The following SMIM14 variants were observed in gnomAD, a reference collection of about 807,000 sequenced individuals.
The protein encoded by SMIM14 is small integral membrane protein 14.
SMIM14 carries 5 observed loss-of-function variants against 12.6 expected under a neutral mutation model. That is an observed-to-expected ratio of 0.40 (90% CI 0.21 to 0.83). The LOEUF (loss-of-function observed/expected upper bound fraction) is 0.83, where lower values mean the gene tolerates loss of function less well. SMIM14 is among the 40% of genes least tolerant of loss of function. The pLI is 0.37. For missense variants in SMIM14, 86 were observed against 119.1 expected (o/e 0.72, Z 1.29); for synonymous variants, 30 against 40.1 (o/e 0.75, Z 0.95).
At chr4:39,576,278 TG>T (rs1306120619) in intron 2 of SMIM14, among the ~76,000 whole-genome samples, 1 of 151,698 alleles carries the variant, frequency 6.6e-6, no homozygotes, top group Admixed American at 6.6e-5. Context: ...CAGAGACCCA[TG>T]CAGAGAATGA....
At chr4:39,595,607 G>A (rs1449029996) in intron 2 of SMIM14, among the ~76,000 whole-genome samples, 4 of 141,224 alleles carry the variant, frequency 2.8e-5, no homozygotes, top group African/African-American at 8.7e-5. Flanking sequence ...CTGTAACTAC[G>A]ATTTTTTTTT....
intron 2 of SMIM14, among the ~76,000 whole-genome samples, chr4:39,574,010 A>G (rs1396188141): frequency 6.6e-6 from 1 of 152,168 alleles, no homozygotes; most frequent in African/African-American, 2.4e-5. Flanking sequence ...GATGTTTAAA[A>G]ACGAAAATCT....
chr4:39,598,377 C>T (rs1391973348), intron 2 of SMIM14, among the ~76,000 whole-genome samples: 2 of 152,108 alleles, frequency 1.3e-5, no homozygotes, highest in Admixed American at 1.3e-4. Flanking sequence ...CCCACTTCTC[C>T]CTCCAGAGGC....
At chr4:39,624,837 T>G (rs1354666505) in intron 1 of SMIM14, among the ~76,000 whole-genome samples, 1 of 145,460 alleles carries the variant, frequency 6.9e-6, no homozygotes, top group South Asian at 2.2e-4. Context: ...AAAAAAAACT[T>G]CCTATTCGTT....
intron 1 of SMIM14, among the ~76,000 whole-genome samples, chr4:39,636,213 A>G (rs1390767878): frequency 1.3e-5 from 2 of 150,296 alleles, no homozygotes; most frequent in East Asian, 3.9e-4. Context: ...TGACGTGTAA[A>G]GTTAAAATCT....
chr4:39,575,072 G>GA (rs1411724019), intron 2 of SMIM14, among the ~76,000 whole-genome samples: 8 of 140,542 alleles, frequency 5.7e-5, no homozygotes, highest in African/African-American at 2.1e-4. Context: ...ATAAGAACGA[G>GA]AAAATAGTTT....
At chr4:39,632,826 C>A (rs867173171) in intron 1 of SMIM14, among the ~76,000 whole-genome samples, 4 of 117,842 alleles carry the variant, frequency 3.4e-5, no homozygotes, top group South Asian at 2.7e-4. Context: ...CACACACACA[C>A]AAAAGAAAAA....
In SMIM14 at chr4:39,556,548, A is replaced by G. The variant is rs377511103; in HGVS notation, c.147T>C (p.Asn49=). 3 of 1,609,942 alleles carry G rather than the reference A, an allele frequency of 1.9e-6. No individual in the cohort carries two copies. In the African/African-American group the frequency reaches 4.0e-5, roughly 22 times the overall value. Reference sequence around the variant, plus strand: ...CCAAGATCATTGTAACACTGATGCCATTATCACCAGAGGGTCCCGGTACTA... The same window carrying G: ...CCAAGATCATTGTAACACTGATGCCGTTATCACCAGAGGGTCCCGGTACTA... ...LQELPGPSGD[N]GISVTMILVA... is the part of the protein sequence containing the mutation. Residue 49 remains asparagine (N), a synonymous_variant, in exon 4 of 5, where the codon AAT becomes AAC. Transcript: ENST00000295958.
intron 1 of SMIM14, among the ~76,000 whole-genome samples, chr4:39,632,677 C>G (rs1715947955): frequency 6.6e-6 from 1 of 150,668 alleles, no homozygotes; most frequent in African/African-American, 2.4e-5. Context: ...ACTAGGGAGG[C>G]TGAGGTGGGT....
chr4:39,556,689 C>T (rs1712033090), intron 3 of SMIM14, 119 bp from the exon 4 acceptor site: 2 of 912,696 alleles, frequency 2.2e-6, no homozygotes, highest in East Asian at 5.8e-5. Flanking sequence ...TGATAAATTA[C>T]AAAAGTACAT....
intron 2 of SMIM14, among the ~76,000 whole-genome samples, chr4:39,595,949 G>A (rs556341627): frequency 6.6e-6 from 1 of 152,074 alleles, no homozygotes; most frequent in Non-Finnish European, 1.5e-5. Flanking sequence ...TCTGTACAAG[G>A]TGCTTAGAAG....
At chr4:39,559,729 T>C (rs1366317912) in intron 3 of SMIM14, among the ~76,000 whole-genome samples, 1 of 151,808 alleles carries the variant, frequency 6.6e-6, no homozygotes, top group South Asian at 2.1e-4. Context: ...GCAAACAAAT[T>C]AGTACAAAAT....
intron 2 of SMIM14, among the ~76,000 whole-genome samples, chr4:39,578,346 CAG>C (rs1214315817): frequency 1.3e-5 from 2 of 152,122 alleles, no homozygotes; most frequent in Admixed American, 6.6e-5. Flanking sequence ...AACTCTTAAG[CAG>C]AGAGGCCTAA....
chr4:39,585,756 T>C (rs1048215099), intron 2 of SMIM14, among the ~76,000 whole-genome samples: 1 of 151,766 alleles, frequency 6.6e-6, no homozygotes, highest in African/African-American at 2.4e-5. Context: ...AGGCTCCAGG[T>C]AGCACCAACC....
At chr4:39,624,068 C>T (rs1318570057) in intron 1 of SMIM14, among the ~76,000 whole-genome samples, 1 of 152,162 alleles carries the variant, frequency 6.6e-6, no homozygotes, top group African/African-American at 2.4e-5. Context: ...GCATTTTTAT[C>T]TTAAAAAGCA....
chr4:39,613,764 T>TA (rs1715116399), intron 1 of SMIM14, among the ~76,000 whole-genome samples: 1 of 152,200 alleles, frequency 6.6e-6, no homozygotes, highest in Non-Finnish European at 1.5e-5. Context: ...TCGCTAATGT[T>TA]AGAGAACAAT....
At chr4:39,591,718 G>A (rs936360766) in intron 2 of SMIM14, among the ~76,000 whole-genome samples, 3 of 151,952 alleles carry the variant, frequency 2.0e-5, no homozygotes, top group Non-Finnish European at 4.4e-5. Flanking sequence ...ACCAGGCCCA[G>A]CTAATTTTTG....
intron 2 of SMIM14, among the ~76,000 whole-genome samples, chr4:39,590,375 T>C (rs1414211494): frequency 6.6e-6 from 1 of 150,728 alleles, no homozygotes; most frequent in Non-Finnish European, 1.5e-5. Flanking sequence ...AATGCGCCAT[T>C]GCACTCCAGC....
At chr4:39,564,786 T>C (rs1712490998) in intron 3 of SMIM14, among the ~76,000 whole-genome samples, 1 of 152,174 alleles carries the variant, frequency 6.6e-6, no homozygotes, top group African/African-American at 2.4e-5. Context: ...TGTGAGATTA[T>C]CCGAAAGAAG....
Sources: allele counts gnomAD v4.1 joint callset (sites outside exome capture counted in the v4.1 genomes callset), GRCh38; gene constraint gnomAD v4.1.1; transcripts MANE v1.5; gene names NCBI Gene and HGNC (gene_info 2026-07-23, HGNC 2026-07-21).